Variants in NFATC3 observed in about 807,000 individuals in gnomAD.
NFATC3 encodes nuclear factor of activated T cells 3.
In NFATC3, 46 loss-of-function variants were observed where a neutral mutation model predicts 98.6. That is an observed-to-expected ratio of 0.47 (90% CI 0.37 to 0.60). The LOEUF (loss-of-function observed/expected upper bound fraction) is 0.60, where lower values mean the gene tolerates loss of function less well. NFATC3 is among the 20% of genes least tolerant of loss of function. NFATC3 has a pLI of 0.00. For synonymous variants in NFATC3, 512 were observed against 472.2 expected, an observed-to-expected ratio of 1.08 and a Z score of -1.09; for missense variants, 1,256 against 1,295.5, an observed-to-expected ratio of 0.97 and a Z score of 0.47.
chr16:68,176,350 C>CTTTTT, intron 6 of NFATC3, among the ~76,000 whole-genome samples: 1 of 143,928 alleles, frequency 6.9e-6, no homozygotes, highest in South Asian at 2.2e-4. Flanking sequence ...TGCTCAACAT[C>CTTTTT]TTTTTTTTTT....
intron 3 of NFATC3, among the ~76,000 whole-genome samples, chr16:68,155,709 T>A (rs1483362727): frequency 6.6e-6 from 1 of 152,200 alleles, no homozygotes; most frequent in South Asian, 2.1e-4. Flanking sequence ...TTAAGAGCTG[T>A]GACCTTACAA....
intron 8 of NFATC3, 133 bp downstream of exon 8, chr16:68,183,499 T>C: frequency 1.1e-6 from 1 of 909,654 alleles, no homozygotes; most frequent in Non-Finnish European, 1.6e-6. Flanking sequence ...ATGCCCACTC[T>C]AAAGTTTTTG....
intron 9 of NFATC3, chr16:68,217,911 T>C (rs2151172440): frequency 8.2e-7 from 1 of 1,226,154 alleles, no homozygotes; most frequent in Admixed American, 4.2e-5. Flanking sequence ...ACTCTGTAGC[T>C]GGGTGTCAGT....
In NFATC3 at chr16:68,112,164, CT is replaced by C. The variant is rs577995916; in HGVS notation, c.104-9821del. ...TTCCTGAATTTGAATGGTGGCCTAT[CT>C]TGCTAGGTTGGGGAAGTTCTCATGG... On this transcript the variant is annotated intron_variant, in intron 1 of 9. Transcript: ENST00000346183. Among the ~76,000 whole-genome samples the C allele has an allele frequency of 8.1e-3, 1,223 of 150,530 alleles. 15 individuals carry two copies. The highest frequency in any genetic ancestry group is 0.028 in the African/African-American group (1,146 of 41,014).
chr16:68,112,413 G>A (rs764980830), intron 1 of NFATC3, among the ~76,000 whole-genome samples: 2 of 150,474 alleles, frequency 1.3e-5, no homozygotes, highest in Non-Finnish European at 3.0e-5. Flanking sequence ...GAGTAGCTGG[G>A]ACTACAGGCA....
At chr16:68,098,673 G>A (rs1197033913) in intron 1 of NFATC3, among the ~76,000 whole-genome samples, 2 of 152,086 alleles carry the variant, frequency 1.3e-5, no homozygotes, top group Admixed American at 6.6e-5. Context: ...ACTAGCAGTG[G>A]AATATTTTGA....
intron 3 of NFATC3, among the ~76,000 whole-genome samples, chr16:68,141,213 G>A (rs2037737296): frequency 6.6e-6 from 1 of 152,098 alleles, no homozygotes; most frequent in South Asian, 2.1e-4. Flanking sequence ...ATGGCTGATG[G>A]GCATTTAGGT....
intron 9 of NFATC3, among the ~76,000 whole-genome samples, chr16:68,219,927 A>G (rs1334409289): frequency 2.0e-5 from 3 of 152,226 alleles, no homozygotes; most frequent in Middle Eastern, 3.2e-3. Context: ...AAATAGCTCT[A>G]AATAAGAGTC....
chr16:68,128,602 C>A (rs1277061924), intron 3 of NFATC3, among the ~76,000 whole-genome samples: 1 of 151,664 alleles, frequency 6.6e-6, no homozygotes, highest in East Asian at 1.9e-4. Context: ...AAGAAAAAAA[C>A]AACGTTAAAA....
intron 1 of NFATC3, among the ~76,000 whole-genome samples, chr16:68,115,055 A>G (rs2036199931): frequency 6.6e-6 from 1 of 151,452 alleles, no homozygotes; most frequent in Non-Finnish European, 1.5e-5. Context: ...ACTCACCATC[A>G]GTAAATGACT....
intron 4 of NFATC3, among the ~76,000 whole-genome samples, chr16:68,159,543 C>A (rs1055737155): frequency 1.3e-5 from 2 of 151,702 alleles, no homozygotes; most frequent in African/African-American, 2.4e-5. Flanking sequence ...CTGCCCCAGC[C>A]TCCTGAGTAG....
At chr16:68,163,467 G>C (rs1276421345) in intron 4 of NFATC3, among the ~76,000 whole-genome samples, 1 of 141,554 alleles carries the variant, frequency 7.1e-6, no homozygotes, top group Non-Finnish European at 1.5e-5. Flanking sequence ...CTCACCTCCC[G>C]GGCGGGGCTG....
intron 1 of NFATC3, chr16:68,088,907 C>T (rs2034552884): frequency 1.1e-6 from 1 of 902,646 alleles, no homozygotes; most frequent in African/African-American, 1.8e-5. Flanking sequence ...CCTGGGCTCT[C>T]CTGTTCTGGC....
Position 68,191,298 on chromosome 16 carries a change from C to G in NFATC3, c.2629C>G (p.Pro877Ala). 1.2e-6 allele frequency: 2 copies of G among 1,614,190 alleles called. No homozygotes were observed. The highest frequency in any genetic ancestry group is 1.7e-6 in the Non-Finnish European group (2 of 1,180,034). The change falls in exon 9 of 10, where the codon CCT becomes GCT. Residue 877 changes from proline (P) to alanine (A), a missense_variant. Transcript: ENST00000346183. ...AHTPHSVHTL[P>A]HLQSMGYHCS... ...TACACCTCATTCTGTGCATACCCTG[C>G]CTCATCTGCAATCAATGGGATATCA... is the stretch of plus-strand genomic sequence containing the variant.
chr16:68,142,115 AAGTAGTTGGC>A (rs1203052021), intron 3 of NFATC3, among the ~76,000 whole-genome samples: 1 of 152,092 alleles, frequency 6.6e-6, no homozygotes, highest in Admixed American at 6.6e-5. Flanking sequence ...AGCTGGTTGT[AAGTAGTTGGC>A]TTTTTTCCTA....
In NFATC3 at chr16:68,098,302, T is replaced by TATTATTA. The variant is rs199707898; in HGVS notation, c.103+12518_103+12519insATTATTA. The stretch of plus-strand genomic sequence containing the variant: ...TTATTATTATTATTATTATTATTAT[T>TATTATTA]TTTTTTTTTTTTTTTTTAGATGGAG... On this transcript the variant is annotated intron_variant, in intron 1 of 9. Transcript: ENST00000346183. Among the ~76,000 whole-genome samples the TATTATTA allele has an allele frequency of 1.2e-3, 149 of 119,534 alleles. 2 individuals carry two copies. Among genetic ancestry groups the TATTATTA allele is most frequent in the African/African-American group, 4.0e-3 (125 of 31,114 alleles). 78.4% of individuals were successfully genotyped at this position (119,534 alleles called of 152,430 possible). A position where few individuals can be genotyped will look rare whatever the true frequency, so the allele number is the denominator to read the frequency against.
intron 3 of NFATC3, among the ~76,000 whole-genome samples, chr16:68,131,797 C>T (rs1489704912): frequency 6.6e-6 from 1 of 152,008 alleles, no homozygotes; most frequent in African/African-American, 2.4e-5. Context: ...CTAAACATAC[C>T]ACATTTATAT....
intron 1 of NFATC3, among the ~76,000 whole-genome samples, chr16:68,096,953 T>C (rs1415921570): frequency 6.6e-6 from 1 of 152,214 alleles, no homozygotes; most frequent in African/African-American, 2.4e-5. Flanking sequence ...ATCACTCTAC[T>C]ATACTGTGGG....
At chr16:68,117,053 G>C (rs1382550897) in intron 1 of NFATC3, among the ~76,000 whole-genome samples, 1 of 152,004 alleles carries the variant, frequency 6.6e-6, no homozygotes, top group African/African-American at 2.4e-5. Context: ...TCTAATCTGT[G>C]GACTAGATAA....
Sources: allele counts gnomAD v4.1 joint callset (sites outside exome capture counted in the v4.1 genomes callset), GRCh38; gene constraint gnomAD v4.1.1; transcripts MANE v1.5; gene names NCBI Gene and HGNC (gene_info 2026-07-23, HGNC 2026-07-21).